UGT1A3: variants seen among roughly 807,000 people sequenced by gnomAD.
The protein encoded by UGT1A3 is UDP-glucuronosyltransferase 1A3.
UGT1A3 carries 31 observed loss-of-function variants against 41.0 expected under a neutral mutation model. The ratio of observed to expected loss-of-function variants is 0.76; its 90% CI spans 0.57 to 1.02. The LOEUF is 1.02. Among genes scored for constraint, UGT1A3 ranks in the 50% least tolerant of loss-of-function variants. UGT1A3 has a pLI of 0.00. For synonymous variants in UGT1A3, 262 were observed against 257.6 expected (o/e 1.02, Z -0.17); for missense variants, 737 against 671.0 (o/e 1.10, Z -1.09).
intron 1 of UGT1A3, among the ~76,000 whole-genome samples, chr2:233,744,958 A>C (rs996624362): frequency 2.6e-5 from 4 of 151,980 alleles, no homozygotes; most frequent in African/African-American, 4.9e-5. Context: ...ATAACCTACC[A>C]ATATCCTTCT....
intron 1 of UGT1A3, among the ~76,000 whole-genome samples, chr2:233,756,939 C>G (rs1402557459): frequency 1.3e-5 from 2 of 151,990 alleles, no homozygotes; most frequent in African/African-American, 4.8e-5. Flanking sequence ...GTTACATAAC[C>G]TGAAACCCGG....
Position 233,740,237 on chromosome 2 carries a change from A to G in UGT1A3, c.867+10244A>G, listed in dbSNP as rs6746419. ...TCAGCTGCGTCTTTATAGCAGGCTG[A>G]GAATAGACTAATACAAGATTGGTGG... On this transcript the variant is annotated intron_variant, in intron 1 of 4. Transcript: ENST00000482026. 5.0e-3 allele frequency among the ~76,000 whole-genome samples: 755 copies of G among 151,996 alleles called. 33 individuals carry two copies. Among genetic ancestry groups the G allele is most frequent in the African/African-American group, 0.017 (720 of 41,218 alleles).
At chr2:233,743,198 T>C in intron 1 of UGT1A3, 1 of 382,298 alleles carries the variant, frequency 2.6e-6, no homozygotes, top group Non-Finnish European at 5.2e-6. Context: ...TTACTTGGTG[T>C]CAATGCGGAG....
Position 233,760,769 on chromosome 2 carries a change from C to T in UGT1A3, c.868-6265C>T, listed in dbSNP as rs756981269. 1.9e-6 allele frequency: 3 copies of T among 1,614,028 alleles called. No individual in the cohort carries two copies. The South Asian group carries it at 3.3e-5, about 18-fold the overall frequency. On this transcript the variant is annotated intron_variant, in intron 1 of 4. Coordinates refer to ENST00000482026, the MANE Select transcript of UGT1A3 (RefSeq NM_019093.4). ...TTCCTTCCTTGCAGCCCCATCGTGG[C>T]CCAGTACCTGTCTCTGCCCACTGTA...
At chr2:233,761,150 A>G (rs1384998466) in intron 1 of UGT1A3, 2 of 1,614,204 alleles carry the variant, frequency 1.2e-6, no homozygotes, top group Non-Finnish European at 1.7e-6. Flanking sequence ...CCACTATCCC[A>G]GGTGTGTATT....
At chr2:233,743,813 T>G (rs964815042) in intron 1 of UGT1A3, 1 of 1,367,084 alleles carries the variant, frequency 7.3e-7, no homozygotes, top group South Asian at 1.1e-5. Context: ...GTTCTCAGGG[T>G]TTTTGTCGGG....
At chr2:233,770,741 G>A (rs1433852574) in intron 4 of UGT1A3, 1 of 151,846 alleles carries the variant, frequency 6.6e-6, no homozygotes, top group Non-Finnish European at 1.5e-5. Flanking sequence ...CATGATTCAT[G>A]GCCAAGTACT....
intron 1 of UGT1A3, among the ~76,000 whole-genome samples, chr2:233,758,576 G>A (rs1696917059): frequency 6.6e-6 from 1 of 152,184 alleles, no homozygotes; most frequent in Admixed American, 6.5e-5. Context: ...AAAAAATGAA[G>A]AGTGTTTGGG....
intron 1 of UGT1A3, chr2:233,740,576 G>A (rs1691425375): frequency 6.6e-6 from 1 of 151,744 alleles, no homozygotes; most frequent in Non-Finnish European, 1.5e-5. Flanking sequence ...TGTTTTTTGG[G>A]ACCCTAATGA....
intron 1 of UGT1A3, among the ~76,000 whole-genome samples, chr2:233,735,931 CT>C (rs1190585713): frequency 6.6e-6 from 1 of 152,166 alleles, no homozygotes; most frequent in Non-Finnish European, 1.5e-5. Flanking sequence ...TTCTCTGTGG[CT>C]GCCCTTAACA....
intron 2 of UGT1A3, 140 bp downstream of exon 2, chr2:233,767,305 G>A (rs907806050): frequency 6.6e-7 from 1 of 1,518,864 alleles, no homozygotes; most frequent in Admixed American, 2.3e-5. Flanking sequence ...TAATCCAAAG[G>A]TTTTTTTTGT....
Position 233,769,415 on chromosome 2 carries a change from G to A in UGT1A3, c.1307+976G>A. On this transcript the variant is annotated intron_variant, in intron 4 of 4. Coordinates refer to ENST00000482026, the MANE Select transcript of UGT1A3 (RefSeq NM_019093.4). This position sits in a 1 kb window ranked among gnomAD's most constrained non-coding sequence, Gnocchi z 4.4. Reference sequence around the variant, plus strand: ...TGTGTGCATATGTGCGTGTGCGTTTGTGCATGTGGCTGTGCTCATGTGTGG... The same window carrying A: ...TGTGTGCATATGTGCGTGTGCGTTTATGCATGTGGCTGTGCTCATGTGTGG... The A allele has an allele frequency of 1.4e-6, 2 of 1,401,966 alleles. No homozygotes were observed. Among genetic ancestry groups the A allele is most frequent in the Non-Finnish European group, 2.0e-6 (2 of 1,003,386 alleles). The allele number at this position is 1,401,966 out of a possible 1,614,324, so 86.8% of individuals were successfully genotyped here.
Position 233,767,161 on chromosome 2 carries a change from A to G in UGT1A3, c.995A>G (p.Gln332Arg), listed in dbSNP as rs72551348. The change falls in exon 2 of 5, where the codon CAG becomes CGG. Residue 332 changes from glutamine (Q) to arginine (R), a missense_variant. Physicochemically the swap from Gln to Arg is conservative, Grantham distance 43. Coordinates refer to ENST00000482026, the MANE Select transcript of UGT1A3 (RefSeq NM_019093.4). Reference sequence around the variant, plus strand: ...GCTGATGCTTTGGGCAAAATCCCTCAGACAGTAAGAAGATTCTATACCATG... The same window carrying G: ...GCTGATGCTTTGGGCAAAATCCCTCGGACAGTAAGAAGATTCTATACCATG... ...AIADALGKIP[Q>R]TVLWRYTGTR... is the part of the protein sequence containing the mutation. 60 of 1,614,012 alleles carry G rather than the reference A, an allele frequency of 3.7e-5. No individual in the cohort carries two copies. The highest frequency in any genetic ancestry group is 4.7e-5 in the Non-Finnish European group (55 of 1,180,018).
rs765612353 is a variant in UGT1A3 at position 233,772,386 on chromosome 2, G to T, written c.1432G>T (p.Ala478Ser). The T allele has an allele frequency of 6.2e-7, 1 of 1,614,110 alleles. No homozygotes were observed. Among genetic ancestry groups the T allele is most frequent in the Non-Finnish European group, 8.5e-7 (1 of 1,180,046 alleles). The change falls in exon 5 of 5, where the codon GCA becomes TCA. Residue 478 changes from alanine (A) to serine (S), a missense_variant. Coordinates refer to ENST00000482026, the MANE Select transcript of UGT1A3 (RefSeq NM_019093.4). Reference sequence around the variant, plus strand: ...CAAGGGCGCGCCACACCTGCGCCCCGCAGCCCACGACCTCACCTGGTACCA... The same window carrying T: ...CAAGGGCGCGCCACACCTGCGCCCCTCAGCCCACGACCTCACCTGGTACCA... ...RHKGAPHLRP[A>S]AHDLTWYQYH...
chr2:233,746,072 G>A (rs1693292846), intron 1 of UGT1A3, among the ~76,000 whole-genome samples: 2 of 151,808 alleles, frequency 1.3e-5, no homozygotes, highest in Admixed American at 6.6e-5. Flanking sequence ...AAAGAGAAGA[G>A]GAGTCACTTC....
rs1041496963 is a variant in UGT1A3, at chr2:233,755,204, C to T, written c.868-11830C>T. On this transcript the variant is annotated intron_variant, in intron 1 of 4. Coordinates refer to ENST00000482026, the MANE Select transcript of UGT1A3 (RefSeq NM_019093.4). ...GCCACTTGAGCGCCAGCTTGCGGTA[C>T]GCCTTCTTGATACCCTCGGACGAGG... The T allele has an allele frequency of 2.6e-4, 287 of 1,089,324 alleles. 1 individual carries two copies. Among genetic ancestry groups the T allele is most frequent in the Non-Finnish European group, 3.4e-4 (263 of 769,354 alleles). 67.5% of individuals were successfully genotyped at this position (1,089,324 alleles called of 1,614,324 possible).
Position 233,772,498 on chromosome 2 carries a change from A to G in UGT1A3, c.1544A>G (p.Tyr515Cys), listed in dbSNP as rs1575871592. The G allele has an allele frequency of 1.2e-6, 2 of 1,614,068 alleles. No homozygotes were observed. The highest frequency in any genetic ancestry group is 2.2e-5 in the East Asian group (1 of 44,892). ...ACCTTTAAATGTTGTGCTTATGGCT[A>G]CCGGAAATGCTTGGGGAAAAAAGGG... is the stretch of plus-strand genomic sequence containing the variant. Reference protein sequence around the residue: ...FITFKCCAYGYRKCLGKKGRV... With the variant: ...FITFKCCAYGCRKCLGKKGRV... Residue 515 changes from tyrosine (Y) to cysteine (C), a missense_variant, in exon 5 of 5, where the codon TAC (tyrosine) becomes TGC (cysteine). By Grantham distance (194) the Tyr-to-Cys change is radical (BLOSUM62 -2). Transcript: ENST00000482026.
chr2:233,735,151 G>T (rs1299543720), intron 1 of UGT1A3, among the ~76,000 whole-genome samples: 1 of 152,160 alleles, frequency 6.6e-6, no homozygotes, highest in African/African-American at 2.4e-5. Context: ...GGGAGTCTAA[G>T]TCTCTGTGTA....
At chr2:233,760,858 T>C (rs1196570380) in intron 1 of UGT1A3, 1 of 1,614,090 alleles carries the variant, frequency 6.2e-7, no homozygotes, top group Non-Finnish European at 8.5e-7. Flanking sequence ...CAACCCATTC[T>C]CCTACGTGCC....
Sources: gnomAD v4.1 joint callset for allele counts (sites outside exome capture counted in the v4.1 genomes callset) on GRCh38, gnomAD v4.1.1 for gene constraint, Gnocchi (gnomAD v3.1) non-coding constraint, MANE v1.5 for transcripts, NCBI Gene and HGNC (gene_info 2026-07-23, HGNC 2026-07-21) for gene names.